Variants in NOX1 observed in about 807,000 individuals in gnomAD.
The protein encoded by NOX1 is NADH/NADPH mitogenic oxidase subunit P65-MOX.
In NOX1, 34 loss-of-function variants were observed where a neutral mutation model predicts 42.5. That is an observed-to-expected ratio of 0.80 (90% CI 0.61 to 1.07). The LOEUF is 1.07. NOX1 is among the 50% of genes least tolerant of loss of function. The pLI is 0.00. For synonymous variants in NOX1, 143 were observed against 152.5 expected (o/e 0.94, Z 0.46); for missense variants, 408 against 427.0 (o/e 0.96, Z 0.39).
chrX:100,845,387 CTTTG>C (rs1201386029), intron 12 of NOX1, among the ~76,000 whole-genome samples: 2 of 108,970 alleles, frequency 1.8e-5, no homozygotes, highest in South Asian at 3.9e-4. Context: ...TGATTCAGTA[CTTTG>C]TTTTTTTTTT....
At chrX:100,871,345 C>T (rs146650356) in intron 1 of NOX1, among the ~76,000 whole-genome samples, 102 of 111,704 alleles carry the variant, frequency 9.1e-4, no homozygotes, top group African/African-American at 3.1e-3. Context: ...GAAACATTTG[C>T]CATTTCTTGG....
intron 2 of NOX1, among the ~76,000 whole-genome samples, chrX:100,868,995 G>T (rs1371747012): frequency 9.0e-6 from 1 of 110,968 alleles, no homozygotes; most frequent in African/African-American, 3.3e-5. Context: ...ATTTCTGAGG[G>T]CTCTGTTCTG....
At chrX:100,869,872 AG>A (rs1285752090) in intron 2 of NOX1, among the ~76,000 whole-genome samples, 2 of 101,196 alleles carry the variant, frequency 2.0e-5, no homozygotes, top group African/African-American at 7.2e-5. Flanking sequence ...TTAGCATGAA[AG>A]GTTGTTGAAT....
intron 2 of NOX1, among the ~76,000 whole-genome samples, chrX:100,866,130 G>A (rs1322800773): frequency 9.2e-6 from 1 of 108,956 alleles, no homozygotes; most frequent in Non-Finnish European, 1.9e-5. Context: ...ACTGAGGCAG[G>A]AAAATCGCTT....
intron 7 of NOX1, among the ~76,000 whole-genome samples, chrX:100,853,261 C>CTTTCTTTT (rs2085129900): frequency 5.5e-4 from 13 of 23,450 alleles, no homozygotes; most frequent in African/African-American, 3.9e-3. Flanking sequence ...TTCCTTCCTT[C>CTTTCTTTT]CTTTCTTTCT....
intron 11 of NOX1, 31 bp from the exon 12 acceptor site, chrX:100,848,785 C>A (rs2085092096): frequency 8.3e-7 from 1 of 1,203,114 alleles, no homozygotes; most frequent in Non-Finnish European, 1.1e-6. Context: ...GTTAGAAAAA[C>A]CAAGTCCTAG....
intron 2 of NOX1, among the ~76,000 whole-genome samples, chrX:100,865,109 G>GT (rs1015147582): frequency 1.8e-5 from 2 of 112,128 alleles, no homozygotes; most frequent in African/African-American, 6.5e-5. Flanking sequence ...CTGCCCTACT[G>GT]TTTTCCATTT....
At chrX:100,869,268 C>T (rs1410621435) in intron 2 of NOX1, among the ~76,000 whole-genome samples, 16 of 111,414 alleles carry the variant, frequency 1.4e-4, no homozygotes, top group Non-Finnish European at 2.6e-4. Flanking sequence ...GCCATTTTCA[C>T]GATATTGATT....
At chrX:100,863,073 AT>A in intron 4 of NOX1, 85 bp downstream of exon 4, 2 of 748,669 alleles carry the variant, frequency 2.7e-6, no homozygotes, top group African/African-American at 2.0e-5. Context: ...CTCGATAAAT[AT>A]TTTTTGAATG....
intron 2 of NOX1, 51 bp downstream of exon 2, chrX:100,870,668 A>C: frequency 8.6e-6 from 7 of 813,211 alleles, no homozygotes; most frequent in Non-Finnish European, 1.1e-5. Flanking sequence ...AGCTGGAATC[A>C]GAGATAAGGA....
chrX:100,853,320 T>C (rs55929402), intron 7 of NOX1, among the ~76,000 whole-genome samples: 437 of 31,502 alleles, frequency 0.014, 1 homozygote, highest in African/African-American at 0.016. Flanking sequence ...CTTTCTTTCT[T>C]TCTCTCTCTT....
At position 100,862,384 on chromosome X, in the gene NOX1, G is replaced by C. The variant is rs1386743070; in HGVS notation, c.671+8C>G. ...TGGGGCATGAGAATGAGGGTTCGAG[G>C]ATCTTACCCAATGCCGTGAATCCCT... is the stretch of plus-strand genomic sequence containing the variant. On this transcript the variant is annotated splice_region_variant and intron_variant, in intron 6 of 12. Coordinates refer to ENST00000372966, the MANE Select transcript of NOX1 (RefSeq NM_007052.5). 3 of 1,209,518 alleles carry C rather than the reference G, an allele frequency of 2.5e-6. No individual in the cohort carries two copies. The highest frequency in any genetic ancestry group is 3.4e-6 in the Non-Finnish European group (3 of 893,573).
chrX:100,860,785 A>G (rs1215957936), intron 7 of NOX1, among the ~76,000 whole-genome samples: 1 of 111,620 alleles, frequency 9.0e-6, no homozygotes, highest in African/African-American at 3.3e-5. Context: ...TTATTTTGAC[A>G]CAGGATCTCA....
At chrX:100,858,977 GAGT>G (rs964085217) in intron 7 of NOX1, among the ~76,000 whole-genome samples, 45 of 111,602 alleles carry the variant, frequency 4.0e-4, no homozygotes, top group African/African-American at 1.4e-3. Flanking sequence ...TGTTAAATAG[GAGT>G]GGTAAGAGAA....
At chrX:100,862,325 G>T (rs766753192) in intron 6 of NOX1, 22 bp from the exon 7 acceptor site, 1 of 1,211,265 alleles carries the variant, frequency 8.3e-7, no homozygotes, top group Non-Finnish European at 1.1e-6. Context: ...AAAGAAGGAT[G>T]GTTTGGGACA....
intron 7 of NOX1, chrX:100,855,726 C>G: frequency 2.0e-6 from 2 of 1,018,584 alleles, no homozygotes; most frequent in Non-Finnish European, 2.7e-6. Context: ...GCCACCAAAG[C>G]CACCATGACC....
At chrX:100,860,656 T>C (rs2085197144) in intron 7 of NOX1, among the ~76,000 whole-genome samples, 1 of 112,364 alleles carries the variant, frequency 8.9e-6, no homozygotes, top group Non-Finnish European at 1.9e-5. Flanking sequence ...TATTGATTTC[T>C]AGGAGTTATT....
In NOX1 at chrX:100,855,583, C is replaced by T. The variant is rs1004012848; in HGVS notation, c.805-4258G>A. ...CTGCCATAGCCACTGTCCTGATTTC[C>T]ACAACCCTGTCCACCACTTCCATAG... On this transcript the variant is annotated intron_variant, in intron 7 of 12. Coordinates refer to ENST00000372966, the MANE Select transcript of NOX1 (RefSeq NM_007052.5). 5 of 964,994 alleles carry T rather than the reference C, an allele frequency of 5.2e-6. No individual in the cohort carries two copies. In the South Asian group the frequency reaches 7.8e-5, roughly 15 times the overall value. The allele number at this position is 964,994 out of a possible 1,213,427, so 79.5% of individuals were successfully genotyped here.
rs201130779 is a variant in NOX1, at chrX:100,850,278, C to A, written c.1006G>T (p.Glu336Ter). The part of the protein sequence containing the change: ...FVNCPSISLL[E>*]WHPFTLTSAP... ...GAGGTCAAAGTAAAAGGATGCCATT[C>A]CAGGAGAGAGATTGAGGGGCAATTA... The change falls in exon 9 of 13, where the codon GAA (glutamate) becomes TAA (stop). Residue 336 changes from glutamate to a stop codon, truncating the protein, a stop_gained. Transcript: ENST00000372966. LOFTEE classifies it high-confidence loss of function. 5.0e-6 allele frequency: 6 copies of A among 1,210,102 alleles called. No individual in the cohort carries two copies. Among genetic ancestry groups the A allele is most frequent in the Non-Finnish European group, 5.6e-6 (5 of 894,116 alleles).
Sources: allele counts gnomAD v4.1 joint callset (sites outside exome capture counted in the v4.1 genomes callset), GRCh38; gene constraint gnomAD v4.1.1; transcripts MANE v1.5; gene names NCBI Gene and HGNC (gene_info 2026-07-23, HGNC 2026-07-21).